VIT: variants seen among roughly 807,000 people sequenced by gnomAD.
VIT encodes vitrin.
Under a neutral mutation model 78.0 loss-of-function variants are expected in VIT, and 99 were observed. The ratio of observed to expected loss-of-function variants is 1.27; its 90% CI spans 1.08 to 1.50. The LOEUF is 1.50. Among genes scored for constraint, VIT ranks in the 40% most tolerant of loss-of-function variants. The probability of loss-of-function intolerance (pLI) is 0.00; values close to 1 mark genes in which losing one functional copy is unlikely to be tolerated. For synonymous variants in VIT, 374 were observed against 334.3 expected, an observed-to-expected ratio of 1.12 and a Z score of -1.29; for missense variants, 1,126 against 875.3, an observed-to-expected ratio of 1.29 and a Z score of -3.61.
intron 1 of VIT, among the ~76,000 whole-genome samples, chr2:36,707,478 T>C (rs759375326): frequency 7.9e-5 from 12 of 152,242 alleles, no homozygotes; most frequent in Middle Eastern, 6.8e-3. Flanking sequence ...CCTGGACTAG[T>C]AACTAGTACA....
intron 14 of VIT, among the ~76,000 whole-genome samples, chr2:36,807,018 A>G (rs1666779872): frequency 6.6e-6 from 1 of 152,062 alleles, no homozygotes; most frequent in Admixed American, 6.6e-5. Context: ...TACATGAATG[A>G]CCACACACCC....
At chr2:36,790,499 G>A (rs1056935423) in intron 12 of VIT, among the ~76,000 whole-genome samples, 2 of 152,060 alleles carry the variant, frequency 1.3e-5, no homozygotes, top group Non-Finnish European at 1.5e-5. Flanking sequence ...CCACCTGCGG[G>A]ACCCATAACT....
At chr2:36,787,891 C>T (rs1447019484) in intron 12 of VIT, 1 of 451,922 alleles carries the variant, frequency 2.2e-6, no homozygotes, top group Non-Finnish European at 4.4e-6. Context: ...TGACTTTCGC[C>T]AACCTGCTCT....
intron 15 of VIT, among the ~76,000 whole-genome samples, chr2:36,810,613 T>C (rs1667086423): frequency 6.6e-6 from 1 of 152,014 alleles, no homozygotes; most frequent in Admixed American, 6.6e-5. Context: ...GTGGTTGTTA[T>C]TTCTTCTTCT....
In VIT at chr2:36,801,302, G is replaced by C; in HGVS notation, c.1060G>C (p.Asp354His). The C allele has an allele frequency of 7.4e-6, 12 of 1,613,692 alleles. No homozygotes were observed. Among genetic ancestry groups the C allele is most frequent in the Non-Finnish European group, 8.5e-6 (10 of 1,179,718 alleles). ...GTATTTCTTGTTCTGACTCTTCAGA[G>C]ACAACCCTGCTACTCACTTTAACCT... ...GPLMGVVQYG[D>H]NPATHFNLKT... Residue 354 changes from aspartate to histidine, a missense_variant and splice_region_variant, in exon 13 of 16, where the codon GAC becomes CAC. Coordinates refer to ENST00000379242, the MANE Select transcript of VIT (RefSeq NM_053276.4).
chr2:36,699,290 C>T (rs73924154), intron 1 of VIT, among the ~76,000 whole-genome samples: 4 of 45,998 alleles, frequency 8.7e-5, no homozygotes, highest in Admixed American at 3.5e-4. Context: ...AAGCTTCCCT[C>T]TCAATCCTAT....
intron 3 of VIT, 25 bp from the exon 4 acceptor site, chr2:36,743,075 T>C: frequency 6.2e-7 from 1 of 1,613,418 alleles, no homozygotes; most frequent in Non-Finnish European, 8.5e-7. Flanking sequence ...CAAGGTGTAA[T>C]TTTGACCTCA....
At chr2:36,797,501 CTGAG>C (rs544482877) in intron 12 of VIT, among the ~76,000 whole-genome samples, 113 of 152,248 alleles carry the variant, frequency 7.4e-4, no homozygotes, top group African/African-American at 2.6e-3. Flanking sequence ...TGCTGGATGA[CTGAG>C]TGAGTCAGAG....
In VIT at chr2:36,814,233, G is replaced by A. The variant is rs530062523; in HGVS notation, c.1954G>A (p.Glu652Lys). 1.2e-5 allele frequency: 20 copies of A among 1,614,104 alleles called. No individual in the cohort carries two copies. Among genetic ancestry groups the A allele is most frequent in the Non-Finnish European group, 1.7e-5 (20 of 1,180,042 alleles). The change falls in exon 16 of 16, where the codon GAA (glutamate) becomes AAA (lysine). Residue 652 changes from glutamate to lysine, a missense_variant. Coordinates refer to ENST00000379242, the MANE Select transcript of VIT (RefSeq NM_053276.4). The stretch of plus-strand genomic sequence containing the variant: ...TGCCTGGGCTGCCCAAGAGGAGCTA[G>A]AAGTCATTGCCACTCACCCCGCCAG... ...GVAWAAQEEL[E>K]VIATHPARDH...
chr2:36,737,546 A>T (rs1452405264), intron 3 of VIT, among the ~76,000 whole-genome samples: 1 of 152,236 alleles, frequency 6.6e-6, no homozygotes, highest in African/African-American at 2.4e-5. Flanking sequence ...AATGTACAAC[A>T]TGTAGTTCAC....
At chr2:36,767,359 T>A in intron 7 of VIT, 74 bp downstream of exon 7, 1 of 1,383,004 alleles carries the variant, frequency 7.2e-7, no homozygotes, top group South Asian at 1.7e-5. Flanking sequence ...CAGCTCTGTC[T>A]GAGCATCTAC....
At chr2:36,698,460 C>A (rs1477866935) in intron 1 of VIT, among the ~76,000 whole-genome samples, 1 of 152,122 alleles carries the variant, frequency 6.6e-6, no homozygotes, top group Non-Finnish European at 1.5e-5. Flanking sequence ...AGCCAGGAGT[C>A]CTAAATTATA....
In VIT at chr2:36,787,148, G is replaced by A. The variant is rs1457585481; in HGVS notation, c.930G>A (p.Ser310=). The A allele has an allele frequency of 1.1e-5, 18 of 1,614,148 alleles. No individual in the cohort carries two copies. The highest frequency in any genetic ancestry group is 4.0e-5 in the African/African-American group (3 of 75,032). The change falls in exon 12 of 16, where the codon TCG becomes TCA. Residue 310 remains serine (S), a synonymous_variant. Transcript: ENST00000379242. ...CCGCAGACTGCAAAATTGACTTGTC[G>A]TTTTTAATTGATGGGAGCACCAGCA... is the stretch of plus-strand genomic sequence containing the variant. ...LGDPNCKIDL[S]FLIDGSTSIG...
intron 2 of VIT, among the ~76,000 whole-genome samples, chr2:36,718,363 C>T (rs1486899961): frequency 6.6e-6 from 1 of 152,094 alleles, no homozygotes; most frequent in Non-Finnish European, 1.5e-5. Context: ...GAGTATTGGA[C>T]CAGGAGTCAG....
intron 1 of VIT, among the ~76,000 whole-genome samples, chr2:36,698,557 C>G (rs1664814316): frequency 6.6e-6 from 1 of 152,160 alleles, no homozygotes; most frequent in African/African-American, 2.4e-5. Flanking sequence ...ACAGAAATAG[C>G]AATGCCTGTA....
chr2:36,768,234 C>A (rs12464612), intron 7 of VIT, among the ~76,000 whole-genome samples: 4,115 of 152,212 alleles, frequency 0.027, 397 homozygotes, highest in Admixed American at 0.2. Flanking sequence ...GAGTTCAAGA[C>A]CAGCCTGGCC....
At chr2:36,788,647 T>A (rs1050352395) in intron 12 of VIT, among the ~76,000 whole-genome samples, 10 of 152,206 alleles carry the variant, frequency 6.6e-5, no homozygotes, top group African/African-American at 2.4e-4. Context: ...CCCTTTTTCA[T>A]TCCTGTGTTA....
intron 7 of VIT, among the ~76,000 whole-genome samples, chr2:36,773,235 A>C (rs1231982129): frequency 6.6e-6 from 1 of 152,192 alleles, no homozygotes; most frequent in Non-Finnish European, 1.5e-5. Context: ...ATGGCATTTG[A>C]CTAAAAGATA....
chr2:36,769,165 C>T (rs2148590225), intron 7 of VIT, among the ~76,000 whole-genome samples: 1 of 152,340 alleles, frequency 6.6e-6, no homozygotes, highest in East Asian at 1.9e-4. Flanking sequence ...AGGCTCTTGA[C>T]TTCAGATGCC....
Sources: gnomAD v4.1 joint callset for allele counts (sites outside exome capture counted in the v4.1 genomes callset) on GRCh38, gnomAD v4.1.1 for gene constraint, MANE v1.5 for transcripts, NCBI Gene and HGNC (gene_info 2026-07-23, HGNC 2026-07-21) for gene names.